The following KIF1B variants were observed in gnomAD, a reference collection of about 807,000 sequenced individuals.
The protein encoded by KIF1B is kinesin-like protein KIF1B.
KIF1B carries 76 observed loss-of-function variants against 241.9 expected under a neutral mutation model. The observed-to-expected ratio is 0.31, with a 90% CI of 0.26 to 0.38. The LOEUF is 0.38. Ranked by LOEUF, KIF1B falls within the 10% of genes least tolerant of loss-of-function variation. The pLI is 1.00. For missense variants in KIF1B, 1,622 were observed against 2,271.4 expected (o/e 0.71, Z 5.81); for synonymous variants, 750 against 796.7 (o/e 0.94, Z 0.99).
intron 37 of KIF1B, among the ~76,000 whole-genome samples, chr1:10,350,445 A>G (rs185493706): frequency 0.01 from 1,514 of 148,092 alleles, 21 homozygotes; most frequent in African/African-American, 0.036. Context: ...CTGTAGTCCC[A>G]ACTGCTCGGG....
Position 10,303,558 on chromosome 1 carries a change from C to T in KIF1B, c.2115+6312C>T, listed in dbSNP as rs202205068. 47 of 1,614,092 alleles carry T rather than the reference C, an allele frequency of 2.9e-5. No individual in the cohort carries two copies. The highest frequency in any genetic ancestry group is 5.0e-5 in the Admixed American group (3 of 60,016). On this transcript the variant is annotated intron_variant, in intron 22 of 48. Transcript: ENST00000676179. The surrounding 1 kb of genome is among the most constrained non-coding windows in gnomAD (Gnocchi z 5.2). ...ACTCCTGGAGGGCAGTGGCCAGGGACGTCTGGGATACCGTCGGTGTTGGGG... is the reference window on the plus strand; with the variant it reads ...ACTCCTGGAGGGCAGTGGCCAGGGATGTCTGGGATACCGTCGGTGTTGGGG...
chr1:10,360,922 A>C lies in KIF1B; in HGVS notation c.4056-7A>C. 1 of 1,596,368 alleles carries C rather than the reference A, an allele frequency of 6.3e-7. No individual in the cohort carries two copies. Among genetic ancestry groups the C allele is most frequent in the Non-Finnish European group, 8.6e-7 (1 of 1,164,028 alleles). ...TGGATGATTCCCTCTTGTCTTTCTG[A>C]CCTTAGGACCTTCTACCGCTTTGAG... is the stretch of plus-strand genomic sequence containing the variant. On this transcript the variant is annotated splice_polypyrimidine_tract_variant and splice_region_variant and intron_variant, in intron 38 of 48. Coordinates refer to ENST00000676179, the MANE Select transcript of KIF1B (RefSeq NM_001365951.3).
chr1:10,278,946 T>C (rs966524339), intron 13 of KIF1B, 151 bp from the exon 14 acceptor site: 47 of 521,940 alleles, frequency 9.0e-5, no homozygotes, highest in Non-Finnish European at 1.4e-4. Context: ...AGTCCGAGTT[T>C]AGATGAATAC....
At chr1:10,323,837 C>G (rs780109905) in intron 24 of KIF1B, 47 bp from the exon 25 acceptor site, 3 of 1,503,498 alleles carry the variant, frequency 2.0e-6, no homozygotes, top group Non-Finnish European at 2.8e-6. Flanking sequence ...ATCTCTGAAG[C>G]TTGCTTGCTG....
chr1:10,376,653 TTG>T lies in KIF1B; in HGVS notation c.*69_*70del, dbSNP rs1638898066. 6.8e-7 allele frequency: 1 copy of T among 1,473,760 alleles called. No homozygotes were observed. Among genetic ancestry groups the T allele is most frequent in the Admixed American group, 1.7e-5 (1 of 59,756 alleles). 91.3% of individuals were successfully genotyped at this position (1,473,760 alleles called of 1,614,324 possible). ...AGAAAGCGTTACCTCTCATTTCTCTTTGTGATTCTTGACGGTGACTCTTGTAT... is the reference window on the plus strand; with the variant it reads ...AGAAAGCGTTACCTCTCATTTCTCTTTGATTCTTGACGGTGACTCTTGTAT... On this transcript the variant is annotated 3_prime_UTR_variant, in exon 49 of 49. Coordinates refer to ENST00000676179, the MANE Select transcript of KIF1B (RefSeq NM_001365951.3).
Position 10,326,340 on chromosome 1 carries a change from TG to T in KIF1B, c.2907del (p.Trp969CysfsTer4). The T allele has an allele frequency of 6.2e-7, 1 of 1,614,164 alleles. No homozygotes were observed. The highest frequency in any genetic ancestry group is 1.1e-5 in the South Asian group (1 of 91,080). On this transcript the variant is annotated frameshift_variant, in exon 27 of 49. Transcript: ENST00000676179. LOFTEE classifies it high-confidence loss of function. This position sits in a 1 kb window ranked among gnomAD's most constrained non-coding sequence, Gnocchi z 5.2. The stretch of plus-strand genomic sequence containing the variant: ...TGACCCGTTTTACGACCGATCCCCT[TG>T]GTTCATTTTAGTGGGAAGGTTGGTG... ...GHDPFYDRSP[W>X]FILVGRAFVY...
chr1:10,248,190 TTTGTTG>T (rs59554084), intron 2 of KIF1B, among the ~76,000 whole-genome samples: 12 of 151,052 alleles, frequency 7.9e-5, no homozygotes, highest in African/African-American at 1.2e-4. Context: ...TTGGGTCAAT[TTTGTTG>T]TTGTTGTTGT....
chr1:10,234,235 T>C (rs2102133053), intron 2 of KIF1B, among the ~76,000 whole-genome samples: 1 of 151,890 alleles, frequency 6.6e-6, no homozygotes, highest in Admixed American at 6.6e-5. Context: ...TGAGATAGAA[T>C]CTCACTCTGT....
At chr1:10,244,065 T>C (rs1294752624) in intron 2 of KIF1B, among the ~76,000 whole-genome samples, 2 of 152,174 alleles carry the variant, frequency 1.3e-5, no homozygotes, top group Non-Finnish European at 2.9e-5. Flanking sequence ...TGGGATCAAG[T>C]ATACAGTGAA....
chr1:10,277,736 A>G (rs941072265), intron 12 of KIF1B, among the ~76,000 whole-genome samples: 1 of 152,148 alleles, frequency 6.6e-6, no homozygotes, highest in African/African-American at 2.4e-5. Flanking sequence ...TAAACACTAT[A>G]CAGTCTCATA....
chr1:10,329,694 C>G (rs1651849524), intron 27 of KIF1B, among the ~76,000 whole-genome samples: 1 of 152,072 alleles, frequency 6.6e-6, no homozygotes, highest in Admixed American at 6.6e-5. Flanking sequence ...GATCGCGCCA[C>G]TGCACTTCAG....
intron 2 of KIF1B, among the ~76,000 whole-genome samples, chr1:10,249,578 C>T (rs1474242101): frequency 6.6e-6 from 1 of 152,080 alleles, no homozygotes; most frequent in African/African-American, 2.4e-5. Flanking sequence ...TAAGTAAGGA[C>T]TTGAATGTCG....
intron 34 of KIF1B, among the ~76,000 whole-genome samples, chr1:10,343,739 C>G (rs1652485662): frequency 6.6e-6 from 1 of 152,000 alleles, no homozygotes; most frequent in African/African-American, 2.4e-5. Flanking sequence ...GCCTGGGCAA[C>G]AAGAGCGAAA....
chr1:10,298,084 C>T (rs984034605), intron 22 of KIF1B, among the ~76,000 whole-genome samples: 12 of 152,156 alleles, frequency 7.9e-5, no homozygotes, highest in African/African-American at 2.9e-4. Flanking sequence ...GTTAACAAAG[C>T]TGTGGTTATA....
At chr1:10,243,174 T>C (rs1449636719) in intron 2 of KIF1B, among the ~76,000 whole-genome samples, 1 of 152,104 alleles carries the variant, frequency 6.6e-6, no homozygotes, top group Non-Finnish European at 1.5e-5. Context: ...CCCTGCACTT[T>C]GGGAGGCTGA....
At chr1:10,273,724 AAAAAAAAAAAAAAAAC>A (rs1279502638) in intron 10 of KIF1B, among the ~76,000 whole-genome samples, 4 of 141,762 alleles carry the variant, frequency 2.8e-5, no homozygotes, top group African/African-American at 7.6e-5. Context: ...AAAAAAAAAA[AAAAAAAAAAAAAAAAC>A]CCAACAAACA....
intron 1 of KIF1B, among the ~76,000 whole-genome samples, chr1:10,216,481 T>A (rs1646768241): frequency 6.6e-6 from 1 of 152,154 alleles, no homozygotes; most frequent in African/African-American, 2.4e-5. Context: ...TTATTATTCT[T>A]CAGGACTTAC....
At chr1:10,257,896 C>T (rs972916446) in intron 3 of KIF1B, among the ~76,000 whole-genome samples, 2 of 152,192 alleles carry the variant, frequency 1.3e-5, no homozygotes, top group South Asian at 4.1e-4. Context: ...AGGCTGGTCT[C>T]GAATTCCTAT....
At chr1:10,324,638 C>A in intron 25 of KIF1B, 120 bp from the exon 26 acceptor site, 1 of 1,176,344 alleles carries the variant, frequency 8.5e-7, no homozygotes, top group Non-Finnish European at 1.3e-6. Context: ...TAACATTAAA[C>A]AGTGGGAGCA....
Sources: gnomAD v4.1 joint callset for allele counts (sites outside exome capture counted in the v4.1 genomes callset) on GRCh38, gnomAD v4.1.1 for gene constraint, Gnocchi (gnomAD v3.1) non-coding constraint, MANE v1.5 for transcripts, NCBI Gene and HGNC (gene_info 2026-07-23, HGNC 2026-07-21) for gene names.